The following SLC6A2 variants were observed in gnomAD, a reference collection of about 807,000 sequenced individuals.
SLC6A2 encodes the protein solute carrier family 6 member 2.
Under a neutral mutation model 71.7 loss-of-function variants are expected in SLC6A2, and 26 were observed. The observed-to-expected ratio is 0.36, with a 90% CI of 0.27 to 0.50. SLC6A2 has a LOEUF of 0.50. Ranked by LOEUF, SLC6A2 falls within the 20% of genes least tolerant of loss-of-function variation. SLC6A2 has a pLI of 0.96. For synonymous variants in SLC6A2, 363 were observed against 337.9 expected, an observed-to-expected ratio of 1.07 and a Z score of -0.82; for missense variants, 581 against 803.9, an observed-to-expected ratio of 0.72 and a Z score of 3.35.
chr16:55,705,198 T>G lies in SLC6A2; in HGVS notation c.*2852T>G. The G allele has an allele frequency of 6.5e-7, 1 of 1,530,010 alleles. No individual in the cohort carries two copies. The highest frequency in any genetic ancestry group is 8.8e-7 in the Non-Finnish European group (1 of 1,141,056). The allele number at this position is 1,530,010 out of a possible 1,614,324, so 94.8% of individuals were successfully genotyped here. Reference sequence around the variant, plus strand: ...AATGTCTAGTTATTTAGCACCCACCTTTTAGCTTTCATTCTAGATGAAAAC... The same window carrying G: ...AATGTCTAGTTATTTAGCACCCACCGTTTAGCTTTCATTCTAGATGAAAAC... On this transcript the variant is annotated 3_prime_UTR_variant, in exon 15 of 15. Transcript: ENST00000568943.
In SLC6A2 at chr16:55,685,285, A is replaced by G; in HGVS notation, c.783+4A>G. 3.7e-6 allele frequency: 6 copies of G among 1,613,878 alleles called. No homozygotes were observed. The highest frequency in any genetic ancestry group is 5.1e-6 in the Non-Finnish European group (6 of 1,179,762). ...AGGGGTGAAGACATCAGGAAAGGTA[A>G]TATCTCTGTGTTTCTCTTTCACTTA... On this transcript the variant is annotated splice_donor_region_variant and intron_variant, in intron 5 of 14. Coordinates refer to ENST00000568943, the MANE Select transcript of SLC6A2 (RefSeq NM_001172501.3).
chr16:55,671,526 C>A (rs925927065), intron 3 of SLC6A2: 1 of 361,116 alleles, frequency 2.8e-6, no homozygotes, highest in Non-Finnish European at 5.0e-6. Context: ...AGGTGAGCAG[C>A]GGGTAAGTGA....
intron 3 of SLC6A2, among the ~76,000 whole-genome samples, chr16:55,671,189 G>A (rs564664183): frequency 3.9e-5 from 6 of 152,312 alleles, no homozygotes; most frequent in Non-Finnish European, 8.8e-5. Context: ...GATAGGGAAG[G>A]GGAGGCAGCC....
chr16:55,670,467 A>C lies in SLC6A2; in HGVS notation c.406+771A>C, dbSNP rs542625655. On this transcript the variant is annotated intron_variant, in intron 3 of 14. Coordinates refer to ENST00000568943, the MANE Select transcript of SLC6A2 (RefSeq NM_001172501.3). ...CAACTCAAACTGGCTTCAGTATAAA[A>C]GAGAATTGACTTCTGTTACAGTAAA... 2.6e-5 allele frequency among the ~76,000 whole-genome samples: 4 copies of C among 152,348 alleles called. No individual in the cohort carries two copies. In the East Asian group the frequency reaches 7.7e-4, roughly 29 times the overall value.
chr16:55,701,587 A>G (rs1317257419), intron 13 of SLC6A2, among the ~76,000 whole-genome samples: 5 of 152,174 alleles, frequency 3.3e-5, no homozygotes, highest in Non-Finnish European at 7.4e-5. Flanking sequence ...AGCTCCCCCA[A>G]AGTAGAGACT....
intron 11 of SLC6A2, 119 bp downstream of exon 11, chr16:55,698,687 T>C (rs2142622388): frequency 6.7e-6 from 5 of 751,496 alleles, no homozygotes; most frequent in African/African-American, 1.7e-5. Flanking sequence ...GTCCAGCAAG[T>C]CACTTATTGG....
Position 55,703,415 on chromosome 16 carries a change from C to T in SLC6A2, c.*1069C>T. On this transcript the variant is annotated 3_prime_UTR_variant, in exon 15 of 15. Coordinates refer to ENST00000568943, the MANE Select transcript of SLC6A2 (RefSeq NM_001172501.3). Reference sequence around the variant, plus strand: ...GTCTTGAGAAATGGAGAGTTGGCTGCAAAAACTCTCATGCACTAGATGTGG... The same window carrying T: ...GTCTTGAGAAATGGAGAGTTGGCTGTAAAAACTCTCATGCACTAGATGTGG... The T allele has an allele frequency of 3.0e-6, 3 of 985,402 alleles. No homozygotes were observed. Among genetic ancestry groups the T allele is most frequent in the Non-Finnish European group, 3.6e-6 (3 of 829,936 alleles). 61.0% of individuals were successfully genotyped at this position (985,402 alleles called of 1,614,324 possible). A position where few individuals can be genotyped will look rare whatever the true frequency, so the allele number is the denominator to read the frequency against.
At chr16:55,657,764 G>C (rs1964499617) in intron 2 of SLC6A2, among the ~76,000 whole-genome samples, 1 of 152,092 alleles carries the variant, frequency 6.6e-6, no homozygotes. Context: ...TCTGCTGGAT[G>C]GTCCAACTGG....
intron 4 of SLC6A2, among the ~76,000 whole-genome samples, chr16:55,673,852 A>C (rs1964999791): frequency 6.6e-6 from 1 of 151,952 alleles, no homozygotes. Flanking sequence ...GTGAGCCACC[A>C]CCCCAGCTTA....
intron 5 of SLC6A2, among the ~76,000 whole-genome samples, chr16:55,689,988 G>T (rs1174988560): frequency 6.6e-6 from 1 of 152,126 alleles, no homozygotes. Flanking sequence ...TCATTCACTT[G>T]TTCATGCATT....
At chr16:55,672,210 G>T in intron 4 of SLC6A2, 35 bp downstream of exon 4, 2 of 1,614,164 alleles carry the variant, frequency 1.2e-6, no homozygotes, top group Non-Finnish European at 1.7e-6. Context: ...GGCCTGTTGA[G>T]GCCAGTGCTT....
At chr16:55,664,625 T>C (rs956571123) in intron 2 of SLC6A2, among the ~76,000 whole-genome samples, 2 of 152,212 alleles carry the variant, frequency 1.3e-5, no homozygotes, top group Non-Finnish European at 2.9e-5. Context: ...ACCCACTAAG[T>C]GCCTGGCACT....
intron 4 of SLC6A2, among the ~76,000 whole-genome samples, chr16:55,680,613 C>G (rs958843555): frequency 9.2e-5 from 14 of 152,154 alleles, no homozygotes; most frequent in African/African-American, 3.4e-4. Context: ...GCCTGCCTTT[C>G]CGAGTTCACT....
intron 11 of SLC6A2, 66 bp from the exon 12 acceptor site, chr16:55,699,488 C>T: frequency 2.3e-6 from 3 of 1,309,676 alleles, no homozygotes; most frequent in South Asian, 1.2e-5. Flanking sequence ...GCCAGAACCT[C>T]ATGGGAGGAC....
At position 55,669,577 on chromosome 16, in the gene SLC6A2, T is replaced by C; in HGVS notation, c.287T>C (p.Ile96Thr). ...CYKNGGGAFL[I>T]PYTLFLIIAG... ...CTGTGTCCTCCAGGTGCCTTCTTGATCCCGTACACACTGTTCCTTATCATC... is the reference window on the plus strand; with the variant it reads ...CTGTGTCCTCCAGGTGCCTTCTTGACCCCGTACACACTGTTCCTTATCATC... The change falls in exon 3 of 15, where the codon ATC becomes ACC. Residue 96 changes from isoleucine (I) to threonine (T), a missense_variant. Ile to Thr is a moderately conservative substitution (Grantham distance 89, BLOSUM62 -1). Around this residue, in one of 5 missense-constraint regions of SLC6A2, gnomAD observed 81 missense variants for 152.4 expected, o/e 0.53. Coordinates refer to ENST00000568943, the MANE Select transcript of SLC6A2 (RefSeq NM_001172501.3). 1 of 1,614,060 alleles carries C rather than the reference T, an allele frequency of 6.2e-7. No individual in the cohort carries two copies. Among genetic ancestry groups the C allele is most frequent in the Non-Finnish European group, 8.5e-7 (1 of 1,179,952 alleles).
In SLC6A2 at chr16:55,703,608, G is replaced by C. The variant is rs145197048; in HGVS notation, c.*1262G>C. ...ACTTGGTGCCCTCTGGTGGTGTTTA[G>C]TTTTAGTTCCGTAAGAGAAATGATT... On this transcript the variant is annotated 3_prime_UTR_variant, in exon 15 of 15. Transcript: ENST00000568943. 1 of 985,320 alleles carries C rather than the reference G, an allele frequency of 1.0e-6. No homozygotes were observed. Among genetic ancestry groups the C allele is most frequent in the Non-Finnish European group, 1.2e-6 (1 of 829,950 alleles). The allele number at this position is 985,320 out of a possible 1,614,324, so 61.0% of individuals were successfully genotyped here.
chr16:55,677,891 G>C (rs1261627976), intron 4 of SLC6A2, among the ~76,000 whole-genome samples: 1 of 152,026 alleles, frequency 6.6e-6, no homozygotes, highest in Non-Finnish European at 1.5e-5. Context: ...GAACTCCTGG[G>C]CTCAGGTGAT....
At position 55,672,234 on chromosome 16, in the gene SLC6A2, C is replaced by T. The variant is rs1437994998; in HGVS notation, c.644+59C>T. The T allele has an allele frequency of 2.5e-6, 4 of 1,613,704 alleles. No individual in the cohort carries two copies. In the Admixed American group the frequency reaches 5.0e-5, roughly 20 times the overall value. ...AGGCCAGTGCTTGGTATGACCTGAG[C>T]CAAACACTAAGGAAAGTCACAGACC... On this transcript the variant is annotated intron_variant, in intron 4 of 14. Transcript: ENST00000568943.
At position 55,656,418 on chromosome 16, in the gene SLC6A2, C is replaced by A; in HGVS notation, c.-51-226C>A. On this transcript the variant is annotated intron_variant, in intron 1 of 14. Coordinates refer to ENST00000568943, the MANE Select transcript of SLC6A2 (RefSeq NM_001172501.3). The surrounding 1 kb of genome is among the most constrained non-coding windows in gnomAD (Gnocchi z 4.5). ...TGAACGAGGAAAAGTGCTGCAGGGT[C>A]TTCAGCCGCCCCCAGAGGGCTGTCA... The A allele has an allele frequency of 3.6e-6, 2 of 548,190 alleles. No homozygotes were observed. Among genetic ancestry groups the A allele is most frequent in the Non-Finnish European group, 6.6e-6 (2 of 304,152 alleles). The allele number at this position is 548,190 out of a possible 1,614,324, so 34.0% of individuals were successfully genotyped here.
Sources: gnomAD v4.1 joint callset for allele counts (sites outside exome capture counted in the v4.1 genomes callset) on GRCh38, gnomAD v4.1.1 for gene constraint, gnomAD v4.1.1 regional missense constraint, Gnocchi (gnomAD v3.1) non-coding constraint, MANE v1.5 for transcripts, NCBI Gene and HGNC (gene_info 2026-07-23, HGNC 2026-07-21) for gene names.